SVOP: variants seen among roughly 807,000 people sequenced by gnomAD.
The protein encoded by SVOP is synaptic vesicle 2-related protein.
A neutral mutation model predicts 69.1 loss-of-function variants in SVOP; 17 were observed. That is an observed-to-expected ratio of 0.25 (90% CI 0.17 to 0.37). The LOEUF is 0.37. SVOP is among the 10% of genes least tolerant of loss of function. The pLI is 1.00. For missense variants in SVOP, 435 were observed against 597.5 expected (o/e 0.73, Z 2.84); for synonymous variants, 238 against 238.6 (o/e 1.00, Z 0.02).
chr12:108,978,748 GC>G (rs1193890718), intron 2 of SVOP, 85 bp from the exon 3 acceptor site: 25 of 663,572 alleles, frequency 3.8e-5, no homozygotes, highest in Non-Finnish European at 1.6e-5. Context: ...GTGGTCCCCA[GC>G]CAAGCTAATT....
intron 4 of SVOP, among the ~76,000 whole-genome samples, chr12:108,976,931 GA>G: frequency 6.6e-6 from 1 of 152,162 alleles, no homozygotes; most frequent in Non-Finnish European, 1.5e-5. Flanking sequence ...TCTCTTTTAA[GA>G]GGTTGCTGCT....
In SVOP at chr12:108,912,543, G is replaced by A. The variant is rs745588209; in HGVS notation, c.1639C>T (p.Gln547Ter). 5.6e-6 allele frequency: 9 copies of A among 1,613,752 alleles called. No individual in the cohort carries two copies. The South Asian group carries it at 9.9e-5, about 18-fold the overall frequency. The change falls in exon 16 of 16, where the codon CAG becomes TAG. Residue 547 changes from glutamine (Q) to a stop codon, truncating the protein, a stop_gained. Transcript: ENST00000610966. LOFTEE classifies it high-confidence loss of function. ...AGVTRSNSGSQE is the reference protein window; with the variant it reads ...AGVTRSNSGS ...CAGTCCCCCATCGGTCACTATTCCT[G>A]AGAGCCAGAGTTCGACCTGGTAACA...
At chr12:108,970,388 G>GGT (rs2040071823) in intron 5 of SVOP, among the ~76,000 whole-genome samples, 1 of 152,130 alleles carries the variant, frequency 6.6e-6, no homozygotes, top group Non-Finnish European at 1.5e-5. Flanking sequence ...CTACTTCAAT[G>GGT]GTTATTAAGG....
chr12:108,931,569 C>T (rs907072600), intron 11 of SVOP, among the ~76,000 whole-genome samples: 1 of 152,172 alleles, frequency 6.6e-6, no homozygotes, highest in African/African-American at 2.4e-5. Context: ...CATGGTGGCT[C>T]ACGCCTGTAA....
intron 5 of SVOP, among the ~76,000 whole-genome samples, chr12:108,969,279 T>C (rs1593194502): frequency 6.9e-6 from 1 of 144,858 alleles, no homozygotes; most frequent in Non-Finnish European, 1.5e-5. Flanking sequence ...TTCTTCCTTC[T>C]CCCCCTTCCT....
intron 12 of SVOP, among the ~76,000 whole-genome samples, chr12:108,922,361 T>G (rs2039754151): frequency 1.3e-5 from 2 of 152,180 alleles, no homozygotes; most frequent in Middle Eastern, 6.8e-3. Context: ...TTCCTCATCA[T>G]CCCCATGGGA....
chr12:108,988,506 G>A (rs1028692463), intron 1 of SVOP, among the ~76,000 whole-genome samples: 2 of 151,992 alleles, frequency 1.3e-5, no homozygotes, highest in Non-Finnish European at 2.9e-5. Context: ...AGTGATCTTG[G>A]CACCATTTTG....
rs148750165 is a variant in SVOP, at chr12:108,921,996, C to T, written c.1156+694G>A. Among the ~76,000 whole-genome samples, 9 of 152,300 alleles carry T rather than the reference C, an allele frequency of 5.9e-5. No homozygotes were observed. The East Asian group carries it at 1.7e-3, about 29-fold the overall frequency. On this transcript the variant is annotated intron_variant, in intron 12 of 15. Transcript: ENST00000610966. ...AAAAAGATAGATCACCTTTGCATCA[C>T]GTGCAGGTTTGGATTTTTGACACTC...
At chr12:109,008,183 A>T (rs910771144) in intron 1 of SVOP, among the ~76,000 whole-genome samples, 4 of 152,168 alleles carry the variant, frequency 2.6e-5, no homozygotes, top group African/African-American at 7.2e-5. Context: ...CAGTCAGCCA[A>T]AGCTTCTGTA....
intron 7 of SVOP, among the ~76,000 whole-genome samples, chr12:108,943,996 C>T (rs1385678129): frequency 2.6e-5 from 4 of 152,060 alleles, no homozygotes; most frequent in South Asian, 2.1e-4. Context: ...ATTCTCCTGC[C>T]TCAGCCTCCC....
chr12:108,993,973 C>T (rs1363708872), intron 1 of SVOP, among the ~76,000 whole-genome samples: 1 of 152,026 alleles, frequency 6.6e-6, no homozygotes, highest in African/African-American at 2.4e-5. Context: ...CGCTGTGTGG[C>T]CTGATCATCT....
In SVOP at chr12:108,987,800, T is replaced by G. The variant is rs181621585; in HGVS notation, c.36-4039A>C. 1.1e-3 allele frequency among the ~76,000 whole-genome samples: 175 copies of G among 152,344 alleles called. 1 individual carries two copies. The highest frequency in any genetic ancestry group is 3.9e-3 in the African/African-American group (163 of 41,586). On this transcript the variant is annotated intron_variant, in intron 1 of 15. Transcript: ENST00000610966. ...GGTTGTTTGACTTCTTGTTGTTGAC[T>G]TGTACTTCTTTCTGTATTCTGGATA...
chr12:108,993,492 G>A (rs1421292039), intron 1 of SVOP, among the ~76,000 whole-genome samples: 1 of 152,076 alleles, frequency 6.6e-6, no homozygotes, highest in Non-Finnish European at 1.5e-5. Context: ...CAGGCCCAAA[G>A]GTGCTGCTGG....
At chr12:108,944,994 T>A in intron 7 of SVOP, 109 bp downstream of exon 7, 1 of 980,722 alleles carries the variant, frequency 1.0e-6, no homozygotes, top group Non-Finnish European at 1.5e-6. Context: ...ATTGAGTCTG[T>A]AATGTTTTTT....
chr12:108,912,481 G>T lies in SVOP; in HGVS notation c.*54C>A. The T allele has an allele frequency of 6.2e-7, 1 of 1,606,164 alleles. No individual in the cohort carries two copies. Among genetic ancestry groups the T allele is most frequent in the Non-Finnish European group, 8.5e-7 (1 of 1,173,844 alleles). ...ACAATCAGTGCCCCAGTTGGGGCCT[G>T]CCAGCCCCCCAAGCTCTGCAGCCTC... On this transcript the variant is annotated 3_prime_UTR_variant, in exon 16 of 16. Coordinates refer to ENST00000610966, the MANE Select transcript of SVOP (RefSeq NM_018711.5).
At position 108,934,176 on chromosome 12, in the gene SVOP, A is replaced by G; in HGVS notation, c.1048+19T>C. On this transcript the variant is annotated intron_variant, in intron 11 of 15. Transcript: ENST00000610966. ...GGGTGTGGGAGTAGTTAGCTGGCAA[A>G]GACAACCAAGATACTCACTGCCGCA... The G allele has an allele frequency of 6.3e-7, 1 of 1,589,966 alleles. No homozygotes were observed. Among genetic ancestry groups the G allele is most frequent in the Non-Finnish European group, 8.6e-7 (1 of 1,167,970 alleles).
At chr12:109,003,386 A>G (rs1272298880) in intron 1 of SVOP, among the ~76,000 whole-genome samples, 1 of 152,244 alleles carries the variant, frequency 6.6e-6, no homozygotes, top group Non-Finnish European at 1.5e-5. Context: ...GCATGCTGCT[A>G]AGCATGACTA....
At position 108,997,266 on chromosome 12, in the gene SVOP, G is replaced by A. The variant is rs1441197748; in HGVS notation, c.36-13505C>T. On this transcript the variant is annotated intron_variant, in intron 1 of 15. Coordinates refer to ENST00000610966, the MANE Select transcript of SVOP (RefSeq NM_018711.5). Reference sequence around the variant, plus strand: ...CGCTTTTCAGACCGGCTTAAAAAACGGCGCACCACGAGATTATATTCCGCA... The same window carrying A: ...CGCTTTTCAGACCGGCTTAAAAAACAGCGCACCACGAGATTATATTCCGCA... 3.3e-5 allele frequency among the ~76,000 whole-genome samples: 5 copies of A among 152,056 alleles called. No individual in the cohort carries two copies. The East Asian group carries it at 9.7e-4, about 29-fold the overall frequency.
In SVOP at chr12:108,919,808, A is replaced by T. The variant is rs758245059; in HGVS notation, c.1157-22T>A. 2.0e-6 allele frequency: 3 copies of T among 1,521,712 alleles called. No homozygotes were observed. The Admixed American group carries it at 5.7e-5, about 29-fold the overall frequency. 94.3% of individuals were successfully genotyped at this position (1,521,712 alleles called of 1,614,324 possible). A position where few individuals can be genotyped will look rare whatever the true frequency, so the allele number is the denominator to read the frequency against. On this transcript the variant is annotated intron_variant, in intron 12 of 15. Coordinates refer to ENST00000610966, the MANE Select transcript of SVOP (RefSeq NM_018711.5). ...ACACCTGGAAGGGGAGTGGGGAGAG[A>T]TAGGCAGCTTCCGATGTGATTCCCA... is the stretch of plus-strand genomic sequence containing the variant.
Sources: allele counts gnomAD v4.1 joint callset (sites outside exome capture counted in the v4.1 genomes callset), GRCh38; gene constraint gnomAD v4.1.1; transcripts MANE v1.5; gene names NCBI Gene and HGNC (gene_info 2026-07-23, HGNC 2026-07-21).